The following GPR180 variants were observed in gnomAD, a reference collection of about 807,000 sequenced individuals.
GPR180 encodes the protein integral membrane protein GPR180.
In GPR180, 53 loss-of-function variants were observed where a neutral mutation model predicts 52.6. The observed-to-expected ratio is 1.01, with a 90% CI of 0.81 to 1.27. The LOEUF is 1.27. Ranked by LOEUF, GPR180 falls within the 50% of genes most tolerant of loss-of-function variation. The probability of loss-of-function intolerance (pLI) is 0.00; values close to 1 mark genes in which losing one functional copy is unlikely to be tolerated. For synonymous variants in GPR180, 200 were observed against 193.1 expected (o/e 1.04, Z -0.30); for missense variants, 533 against 527.0 (o/e 1.01, Z -0.11).
At chr13:94,605,570 TTG>T (rs1416855248) in intron 2 of GPR180, 21 bp downstream of exon 2, 11 of 1,597,280 alleles carry the variant, frequency 6.9e-6, no homozygotes, top group African/African-American at 4.0e-5. Flanking sequence ...CCTTTTTTCT[TTG>T]ATCATTAGAT....
chr13:94,619,948 T>C (rs1421537552), intron 5 of GPR180, among the ~76,000 whole-genome samples: 5 of 152,190 alleles, frequency 3.3e-5, no homozygotes, highest in African/African-American at 4.8e-5. Flanking sequence ...CCTTATACTC[T>C]TGGGCTTGAG....
chr13:94,607,672 G>A lies in GPR180; in HGVS notation c.304+2123G>A, dbSNP rs576005104. On this transcript the variant is annotated intron_variant, in intron 2 of 8. Transcript: ENST00000376958. ...CTCTTCTGGTGTGTTCATTCACTGA[G>A]CGCTTCCACTGTTTCATGTACTGCT... 4.0e-5 allele frequency among the ~76,000 whole-genome samples: 6 copies of A among 151,864 alleles called. 1 individual carries two copies. Among genetic ancestry groups the A allele is most frequent in the African/African-American group, 1.2e-4 (5 of 41,144 alleles).
intron 2 of GPR180, among the ~76,000 whole-genome samples, chr13:94,607,690 G>A (rs979730654): frequency 6.6e-6 from 1 of 152,158 alleles, no homozygotes; most frequent in Non-Finnish European, 1.5e-5. Flanking sequence ...ACTGTTTCAT[G>A]TACTGCTAGG....
chr13:94,610,392 T>A (rs1234287064), intron 2 of GPR180, among the ~76,000 whole-genome samples: 2 of 152,176 alleles, frequency 1.3e-5, no homozygotes, highest in Non-Finnish European at 2.9e-5. Context: ...GGGAATTGGG[T>A]CCATCATAAT....
At chr13:94,608,233 A>T (rs952993775) in intron 2 of GPR180, among the ~76,000 whole-genome samples, 2 of 152,176 alleles carry the variant, frequency 1.3e-5, no homozygotes, top group African/African-American at 4.8e-5. Context: ...CATTTTACTT[A>T]TCTGTACAAC....
At chr13:94,619,661 A>G (rs919634773) in intron 5 of GPR180, 144 bp downstream of exon 5, 1 of 688,098 alleles carries the variant, frequency 1.5e-6, no homozygotes. Context: ...TTAAGTTCCC[A>G]TATGTCTTAC....
chr13:94,616,068 A>G (rs1211395999), intron 3 of GPR180, among the ~76,000 whole-genome samples: 1 of 152,208 alleles, frequency 6.6e-6, no homozygotes, highest in Non-Finnish European at 1.5e-5. Context: ...TTCTTAAGCT[A>G]GCTGCCTCAA....
At position 94,626,997 on chromosome 13, in the gene GPR180, T is replaced by C. The variant is rs1889937153; in HGVS notation, c.1165-16T>C. On this transcript the variant is annotated splice_polypyrimidine_tract_variant and intron_variant, in intron 8 of 8. Coordinates refer to ENST00000376958, the MANE Select transcript of GPR180 (RefSeq NM_180989.6). ...TTCTGCATGTAGTAAAAGCATTCCTTTCCTTTTCTTTTCAGGTTATTACAA... is the reference window on the plus strand; with the variant it reads ...TTCTGCATGTAGTAAAAGCATTCCTCTCCTTTTCTTTTCAGGTTATTACAA... 1 of 1,563,204 alleles carries C rather than the reference T, an allele frequency of 6.4e-7. No homozygotes were observed. Among genetic ancestry groups the C allele is most frequent in the Non-Finnish European group, 8.7e-7 (1 of 1,155,276 alleles).
rs1198942934 is a variant in GPR180 at position 94,629,104 on chromosome 13, AGTT to A, written c.*1937_*1939del. 1 of 152,152 alleles carries A rather than the reference AGTT, an allele frequency of 6.6e-6. No homozygotes were observed. The highest frequency in any genetic ancestry group is 1.5e-5 in the Non-Finnish European group (1 of 67,978). 9.4% of individuals were successfully genotyped at this position (152,152 alleles called of 1,614,324 possible). A position where few individuals can be genotyped will look rare whatever the true frequency, so the allele number is the denominator to read the frequency against. On this transcript the variant is annotated 3_prime_UTR_variant, in exon 9 of 9. Coordinates refer to ENST00000376958, the MANE Select transcript of GPR180 (RefSeq NM_180989.6). ...GAGCTGTTGTTAAGTGGAGGAAAGT[AGTT>A]GTTAATAAATGTATAAAACTGTTCT...
chr13:94,602,675 A>G (rs2139561781), intron 1 of GPR180, among the ~76,000 whole-genome samples: 1 of 152,292 alleles, frequency 6.6e-6, no homozygotes, highest in South Asian at 2.1e-4. Context: ...TTTAAGTAGC[A>G]TCTTGGAAGC....
At position 94,621,887 on chromosome 13, in the gene GPR180, G is replaced by T. The variant is rs556821850; in HGVS notation, c.894+652G>T. On this transcript the variant is annotated intron_variant, in intron 6 of 8. Coordinates refer to ENST00000376958, the MANE Select transcript of GPR180 (RefSeq NM_180989.6). ...TGGATTTGTAAAAATTAAGAAGAAA[G>T]GTTATAAAGAAAAAAATTTGTACTG... is the stretch of plus-strand genomic sequence containing the variant. Among the ~76,000 whole-genome samples, 12 of 151,860 alleles carry T rather than the reference G, an allele frequency of 7.9e-5. No homozygotes were observed. In the East Asian group the frequency reaches 2.3e-3, roughly 29 times the overall value.
In GPR180 at chr13:94,619,248, A is replaced by G. The variant is rs774117296; in HGVS notation, c.604A>G (p.Met202Val). The part of the protein sequence containing the change: ...LWQAIKKGGP[M>V]HMILKVLTTA... ...GCAGGCTATTAAGAAAGGCGGACCC[A>G]TGCACATGATTTTAAAGGTTCTGAC... The change falls in exon 4 of 9, where the codon ATG becomes GTG. Residue 202 changes from methionine to valine, a missense_variant. Transcript: ENST00000376958. The G allele has an allele frequency of 1.2e-6, 2 of 1,614,154 alleles. No homozygotes were observed. Among genetic ancestry groups the G allele is most frequent in the East Asian group, 4.5e-5 (2 of 44,868 alleles).
At chr13:94,624,766 C>T (rs748213122) in intron 7 of GPR180, among the ~76,000 whole-genome samples, 15 of 152,146 alleles carry the variant, frequency 9.9e-5, no homozygotes, top group Admixed American at 3.9e-4. Context: ...ATGCTCTCGA[C>T]CTCCTGACCT....
At chr13:94,621,290 A>G in intron 6 of GPR180, 55 bp downstream of exon 6, 1 of 1,338,686 alleles carries the variant, frequency 7.5e-7, no homozygotes, top group Admixed American at 2.8e-5. Flanking sequence ...TGCAAACTTG[A>G]GCATACCTCA....
chr13:94,623,420 TCACTCC>T (rs1889879813), intron 7 of GPR180, 120 bp downstream of exon 7: 2 of 738,090 alleles, frequency 2.7e-6, no homozygotes, highest in Non-Finnish European at 4.4e-6. Context: ...GCACAGTGGC[TCACTCC>T]TATAATCCCA....
At chr13:94,620,929 A>C in intron 5 of GPR180, 149 bp from the exon 6 acceptor site, 1 of 632,204 alleles carries the variant, frequency 1.6e-6, no homozygotes, top group Non-Finnish European at 2.7e-6. Context: ...TTACCTGCGA[A>C]TATCTCTTAA....
rs1412175532 is a variant in GPR180 at position 94,632,920 on chromosome 13, T to C, written c.*5749T>C. On this transcript the variant is annotated 3_prime_UTR_variant, in exon 9 of 9. Coordinates refer to ENST00000376958, the MANE Select transcript of GPR180 (RefSeq NM_180989.6). The stretch of plus-strand genomic sequence containing the variant: ...CCCCGAGAGAAACTCTGGTCAGTGA[T>C]GCTCAAGTGAACTTCCCTGGTTGGC... 6.6e-6 allele frequency: 1 copy of C among 152,102 alleles called. No individual in the cohort carries two copies. Among genetic ancestry groups the C allele is most frequent in the African/African-American group, 2.4e-5 (1 of 41,320 alleles). 9.4% of individuals were successfully genotyped at this position (152,102 alleles called of 1,614,324 possible).
intron 1 of GPR180, among the ~76,000 whole-genome samples, chr13:94,602,934 CA>C (rs1401757264): frequency 6.6e-6 from 1 of 151,866 alleles, no homozygotes. Flanking sequence ...CAGTCTTTAG[CA>C]TTAAAAGATG....
Position 94,612,240 on chromosome 13 carries a change from C to G in GPR180, c.355C>G (p.Pro119Ala). The change falls in exon 3 of 9, where the codon CCA becomes GCA. Residue 119 changes from proline (P) to alanine (A), a missense_variant. Coordinates refer to ENST00000376958, the MANE Select transcript of GPR180 (RefSeq NM_180989.6). ...HNLTVSQIPS[P>A]QTWHVFYADK... ...TCTGACAGTGTCCCAGATTCCGTCT[C>G]CACAAACGTGGCATGTGTTTTATGC... 1 of 1,614,152 alleles carries G rather than the reference C, an allele frequency of 6.2e-7. No individual in the cohort carries two copies. Among genetic ancestry groups the G allele is most frequent in the East Asian group, 2.2e-5 (1 of 44,862 alleles).
Sources: allele counts gnomAD v4.1 joint callset (sites outside exome capture counted in the v4.1 genomes callset), GRCh38; gene constraint gnomAD v4.1.1; transcripts MANE v1.5; gene names NCBI Gene and HGNC (gene_info 2026-07-23, HGNC 2026-07-21).